UEVLD: variants seen among roughly 807,000 people sequenced by gnomAD.
UEVLD encodes the protein UEV and lactate/malate dehyrogenase domains.
Under a neutral mutation model 58.6 loss-of-function variants are expected in UEVLD, and 47 were observed. That is an observed-to-expected ratio of 0.80 (90% CI 0.63 to 1.02). The LOEUF (loss-of-function observed/expected upper bound fraction) is 1.02. UEVLD is among the 50% of genes least tolerant of loss of function. UEVLD has a pLI of 0.00. For synonymous variants in UEVLD, 197 were observed against 195.3 expected (o/e 1.01, Z -0.07); for missense variants, 510 against 550.6 (o/e 0.93, Z 0.74).
rs890676886 is a variant in UEVLD at position 18,542,890 on chromosome 11, C to CTTTTTTTTTTT, written c.1060+1722_1060+1732dup. ...CAGAGGAGTTATTTTCTTTTCTTTT[C>CTTTTTTTTTTT]TTTTTTTTTTTTTTTTCTTTGAGAC... On this transcript the variant is annotated intron_variant, in intron 9 of 11. Coordinates refer to ENST00000396197, the MANE Select transcript of UEVLD (RefSeq NM_001040697.4). Among the ~76,000 whole-genome samples the CTTTTTTTTTTT allele has an allele frequency of 7.4e-4, 93 of 125,890 alleles. 1 individual carries two copies. The highest frequency in any genetic ancestry group is 1.6e-3 in the South Asian group (6 of 3,720). 82.6% of individuals were successfully genotyped at this position (125,890 alleles called of 152,430 possible). A position where few individuals can be genotyped will look rare whatever the true frequency, so the allele number is the denominator to read the frequency against.
intron 1 of UEVLD, among the ~76,000 whole-genome samples, chr11:18,588,349 C>T (rs937515309): frequency 1.3e-5 from 2 of 152,132 alleles, no homozygotes; most frequent in African/African-American, 4.8e-5. Flanking sequence ...GTGCTGGGAG[C>T]TGTTTGAGGT....
chr11:18,562,668 G>A (rs920577629), intron 6 of UEVLD, among the ~76,000 whole-genome samples: 1 of 151,928 alleles, frequency 6.6e-6, no homozygotes, highest in Non-Finnish European at 1.5e-5. Context: ...GAGTACAGGT[G>A]TAAGCCACCG....
chr11:18,534,123 T>C (rs1252156312), intron 11 of UEVLD, among the ~76,000 whole-genome samples: 8 of 152,194 alleles, frequency 5.3e-5, no homozygotes, highest in Admixed American at 5.2e-4. Context: ...TTTGTAAAGT[T>C]GGGGTCTCAC....
chr11:18,577,395 T>C (rs1431534745), intron 2 of UEVLD, among the ~76,000 whole-genome samples: 1 of 152,250 alleles, frequency 6.6e-6, no homozygotes, highest in African/African-American at 2.4e-5. Context: ...ATTCTCAACC[T>C]CTTTTCAACA....
chr11:18,545,074 A>ATATAT (rs1345787784), intron 8 of UEVLD, among the ~76,000 whole-genome samples: 3,161 of 84,498 alleles, frequency 0.037, 137 homozygotes, highest in East Asian at 0.14. Context: ...CTATATCTAT[A>ATATAT]TTTTTTTTTT....
At chr11:18,549,379 C>G (rs1262630167) in intron 7 of UEVLD, among the ~76,000 whole-genome samples, 2 of 152,154 alleles carry the variant, frequency 1.3e-5, no homozygotes, top group Non-Finnish European at 2.9e-5. Context: ...TCAAGGTTGA[C>G]TTAGGAGTAA....
intron 3 of UEVLD, among the ~76,000 whole-genome samples, chr11:18,570,918 C>G (rs1282947191): frequency 7.0e-6 from 1 of 142,718 alleles, no homozygotes. Context: ...AAACAATGGC[C>G]AAATCATCCA....
rs1482756182 is a variant in UEVLD, at chr11:18,560,136, CACAGAGAGAG to C, written c.613-1816_613-1807del. Among the ~76,000 whole-genome samples the C allele has an allele frequency of 2.5e-3, 196 of 79,460 alleles. 3 individuals carry two copies. Among genetic ancestry groups the C allele is most frequent in the African/African-American group, 8.2e-3 (181 of 22,122 alleles). The allele number at this position is 79,460 out of a possible 152,430, so 52.1% of individuals were successfully genotyped here. A position where few individuals can be genotyped will look rare whatever the true frequency, so the allele number is the denominator to read the frequency against. On this transcript the variant is annotated intron_variant, in intron 6 of 11. Transcript: ENST00000396197. ...ACACACACACACACACACACACACA[CACAGAGAGAG>C]AAAGAAAATAACCCTGCTACACTAT...
Position 18,530,264 on chromosome 11 carries a change from T to G in UEVLD, c.*2056A>C, listed in dbSNP as rs1850514666. On this transcript the variant is annotated 3_prime_UTR_variant, in exon 12 of 12. Transcript: ENST00000396197. ...TTAGAGTAACATGAACTAATTCACG[T>G]GCATATTGAAATTAGATAGAACTAA... The G allele has an allele frequency of 6.6e-6, 1 of 152,224 alleles. No individual in the cohort carries two copies. The highest frequency in any genetic ancestry group is 6.5e-5 in the Admixed American group (1 of 15,274). The allele number at this position is 152,224 out of a possible 1,614,324, so 9.4% of individuals were successfully genotyped here.
At chr11:18,586,954 C>G (rs1853595787) in intron 1 of UEVLD, among the ~76,000 whole-genome samples, 1 of 152,168 alleles carries the variant, frequency 6.6e-6, no homozygotes, top group South Asian at 2.1e-4. Flanking sequence ...ATCGCTTGAA[C>G]CCAGGAGGCG....
intron 7 of UEVLD, among the ~76,000 whole-genome samples, chr11:18,550,407 A>C (rs1056973574): frequency 1.3e-5 from 2 of 151,744 alleles, no homozygotes; most frequent in Non-Finnish European, 2.9e-5. Context: ...TTCTCACTGC[A>C]CTCACCACAT....
intron 6 of UEVLD, among the ~76,000 whole-genome samples, chr11:18,560,120 CACACACACACACACACACAGAGAGAG>C (rs1465018476): frequency 6.2e-5 from 6 of 97,492 alleles, no homozygotes; most frequent in Admixed American, 1.3e-4. Flanking sequence ...CACACACACA[CACACACACACACACACACAGAGAGAG>C]AAAGAAAATA....
At chr11:18,557,217 T>C (rs1034447993) in intron 7 of UEVLD, among the ~76,000 whole-genome samples, 3 of 152,012 alleles carry the variant, frequency 2.0e-5, no homozygotes, top group African/African-American at 7.2e-5. Flanking sequence ...CAGTGGCGCA[T>C]CTCGGCTCAC....
intron 1 of UEVLD, among the ~76,000 whole-genome samples, chr11:18,583,845 G>A (rs1048924225): frequency 6.6e-6 from 1 of 151,696 alleles, no homozygotes; most frequent in Non-Finnish European, 1.5e-5. Context: ...ATTTTTGGTA[G>A]AGACGAGGTT....
At chr11:18,545,165 C>T (rs1195515217) in intron 8 of UEVLD, among the ~76,000 whole-genome samples, 19 of 149,650 alleles carry the variant, frequency 1.3e-4, no homozygotes, top group Middle Eastern at 6.9e-3. Flanking sequence ...CTCTGCCTCC[C>T]GGGTTCCAGC....
In UEVLD at chr11:18,566,398, C is replaced by A; in HGVS notation, c.442G>T (p.Asp148Tyr). The part of the protein sequence containing the change: ...ELPMYSLSSS[D>Y]EARQVDLLAY... ...AGCAAGTCTACCTGCCGTGCCTCAT[C>A]AGATGATGATAGAGAATACATGGGA... Residue 148 changes from aspartate to tyrosine, a missense_variant, in exon 5 of 12, where the codon GAT (aspartate) becomes TAT (tyrosine). By Grantham distance (160) the Asp-to-Tyr change is radical. Transcript: ENST00000396197. The A allele has an allele frequency of 6.2e-7, 1 of 1,614,126 alleles. No homozygotes were observed. Among genetic ancestry groups the A allele is most frequent in the Non-Finnish European group, 8.5e-7 (1 of 1,180,030 alleles).
rs755220632 is a variant in UEVLD, at chr11:18,566,495, C to CA, written c.358-14dup. The CA allele has an allele frequency of 6.2e-7, 1 of 1,608,126 alleles. No individual in the cohort carries two copies. Among genetic ancestry groups the CA allele is most frequent in the Non-Finnish European group, 8.5e-7 (1 of 1,178,356 alleles). ...TGACAGATTTAGGCTGTAGAATACA[C>CA]AAAAAACAGAAAAGTTACACAAAAA... On this transcript the variant is annotated splice_polypyrimidine_tract_variant and intron_variant, in intron 4 of 11. Coordinates refer to ENST00000396197, the MANE Select transcript of UEVLD (RefSeq NM_001040697.4).
At chr11:18,548,521 G>A (rs1356630679) in intron 7 of UEVLD, among the ~76,000 whole-genome samples, 1 of 152,146 alleles carries the variant, frequency 6.6e-6, no homozygotes, top group Non-Finnish European at 1.5e-5. Context: ...TCTGCCTCCT[G>A]GGTTCAAGTG....
At chr11:18,563,367 G>T (rs1291448577) in intron 6 of UEVLD, among the ~76,000 whole-genome samples, 1 of 152,082 alleles carries the variant, frequency 6.6e-6, no homozygotes, top group East Asian at 1.9e-4. Flanking sequence ...GAGGCAGGAA[G>T]ATTGCTTGAG....
Sources: allele counts gnomAD v4.1 joint callset (sites outside exome capture counted in the v4.1 genomes callset), GRCh38; gene constraint gnomAD v4.1.1; transcripts MANE v1.5; gene names NCBI Gene and HGNC (gene_info 2026-07-23, HGNC 2026-07-21).